Variants in SCHIP1 observed in about 807,000 individuals in gnomAD.
SCHIP1 encodes schwannomin interacting protein 1.
Under a neutral mutation model 29.7 loss-of-function variants are expected in SCHIP1, and 8 were observed. The observed-to-expected ratio is 0.27, with a 90% CI of 0.16 to 0.49. SCHIP1 has a LOEUF of 0.49. Among genes scored for constraint, SCHIP1 ranks in the 20% least tolerant of loss-of-function variants. The pLI is 0.99. For synonymous variants in SCHIP1, 76 were observed against 94.9 expected, an observed-to-expected ratio of 0.80 and a Z score of 1.16; for missense variants, 193 against 294.6, an observed-to-expected ratio of 0.66 and a Z score of 2.52.
the SCHIP1 span, among the ~76,000 whole-genome samples, chr3:159,394,799 G>A: frequency 2.5e-4 from 38 of 152,140 alleles, no homozygotes; most frequent in East Asian, 2.3e-3. Flanking sequence ...GTCTCTGCCC[G>A]GCTTTGGTAT....
the SCHIP1 span, among the ~76,000 whole-genome samples, chr3:159,394,891 T>A: frequency 8.5e-5 from 13 of 152,302 alleles, no homozygotes; most frequent in East Asian, 2.5e-3. Flanking sequence ...GAAGGAATGG[T>A]ACCAGTTCCT....
At chr3:159,839,946 A>C in exon 1 of SCHIP1, 1 of 1,416,544 alleles carries the variant, frequency 7.1e-7, no homozygotes, top group Admixed American at 3.1e-5. Flanking sequence ...CCATGTTCCT[A>C]AGCCTGCCTC....
chr3:159,284,103 T>G, the SCHIP1 span, among the ~76,000 whole-genome samples: 1 of 152,106 alleles, frequency 6.6e-6, no homozygotes. Context: ...GTCTCTAATT[T>G]CATATAGCAT....
the SCHIP1 span, among the ~76,000 whole-genome samples, chr3:159,567,523 ACCAC>A: frequency 6.6e-6 from 1 of 152,032 alleles, no homozygotes; most frequent in Admixed American, 6.6e-5. Flanking sequence ...TATTGGGTTA[ACCAC>A]CTGTCTCAGT....
the SCHIP1 span, among the ~76,000 whole-genome samples, chr3:159,447,736 C>T: frequency 2.6e-5 from 4 of 152,192 alleles, no homozygotes; most frequent in African/African-American, 9.6e-5. Flanking sequence ...TCACTTTGAA[C>T]ATATTTTCAA....
the SCHIP1 span, among the ~76,000 whole-genome samples, chr3:159,474,342 G>C: frequency 6.6e-6 from 1 of 152,156 alleles, no homozygotes; most frequent in African/African-American, 2.4e-5. Context: ...AGGGATGATG[G>C]ACTGTGTCTG....
At chr3:159,534,379 G>T in the SCHIP1 span, among the ~76,000 whole-genome samples, 1 of 152,082 alleles carries the variant, frequency 6.6e-6, no homozygotes, top group Non-Finnish European at 1.5e-5. Flanking sequence ...GATTGCTATC[G>T]CAGATAAAAC....
the SCHIP1 span, among the ~76,000 whole-genome samples, chr3:159,713,756 G>A: frequency 6.6e-6 from 1 of 152,222 alleles, no homozygotes; most frequent in Non-Finnish European, 1.5e-5. Context: ...TTTGGCTGGT[G>A]AGTTTAGTGA....
the SCHIP1 span, among the ~76,000 whole-genome samples, chr3:159,712,938 C>A: frequency 6.6e-6 from 1 of 151,206 alleles, no homozygotes; most frequent in Non-Finnish European, 1.5e-5. Flanking sequence ...GTGGGCAGAT[C>A]ACCTGAGGTC....
At chr3:159,510,995 T>A in the SCHIP1 span, among the ~76,000 whole-genome samples, 1 of 152,240 alleles carries the variant, frequency 6.6e-6, no homozygotes, top group Admixed American at 6.5e-5. Context: ...TCTTCAAAGC[T>A]GTCAAACAGG....
In SCHIP1 at chr3:159,862,579, G is replaced by A. The variant is rs187090916; in HGVS notation, c.31-3584G>A. Among the ~76,000 whole-genome samples, 6 of 152,324 alleles carry A rather than the reference G, an allele frequency of 3.9e-5. No homozygotes were observed. In the East Asian group the frequency reaches 1.2e-3, roughly 29 times the overall value. On this transcript the variant is annotated intron_variant, in intron 1 of 6. Coordinates refer to ENST00000445224, the Ensembl canonical transcript of SCHIP1. The stretch of plus-strand genomic sequence containing the variant: ...CACAAAAGCCACTGACAGCATGACA[G>A]ATGAAGCAAGCTATTGACTTAACTA...
chr3:159,485,913 C>G, the SCHIP1 span, among the ~76,000 whole-genome samples: 1 of 152,158 alleles, frequency 6.6e-6, no homozygotes, highest in Admixed American at 6.5e-5. Flanking sequence ...AGCCTTCTTC[C>G]AAACCCCACT....
chr3:159,849,952 A>G (rs1487039379), intron 1 of SCHIP1, among the ~76,000 whole-genome samples: 1 of 152,220 alleles, frequency 6.6e-6, no homozygotes, highest in African/African-American at 2.4e-5. Flanking sequence ...AGTGTTCTAC[A>G]TGCTATGGGG....
At chr3:159,284,681 G>GA in the SCHIP1 span, among the ~76,000 whole-genome samples, 2 of 151,970 alleles carry the variant, frequency 1.3e-5, no homozygotes, top group African/African-American at 2.4e-5. Flanking sequence ...TTCTTTAGTA[G>GA]AGATTGGGTT....
At chr3:159,603,759 T>A in the SCHIP1 span, among the ~76,000 whole-genome samples, 2 of 152,142 alleles carry the variant, frequency 1.3e-5, no homozygotes, top group Non-Finnish European at 1.5e-5. Context: ...GATTGGGTAA[T>A]TTATAAAGAA....
At chr3:159,280,159 G>T in the SCHIP1 span, among the ~76,000 whole-genome samples, 1 of 152,174 alleles carries the variant, frequency 6.6e-6, no homozygotes, top group African/African-American at 2.4e-5. Context: ...TGTCCCTGAT[G>T]TTGTAAAATG....
At chr3:159,592,440 G>C in the SCHIP1 span, among the ~76,000 whole-genome samples, 1 of 151,984 alleles carries the variant, frequency 6.6e-6, no homozygotes, top group South Asian at 2.1e-4. Flanking sequence ...TTTCACAGCT[G>C]GATTTTTTTC....
At chr3:159,806,794 A>G in the SCHIP1 span, among the ~76,000 whole-genome samples, 1 of 152,220 alleles carries the variant, frequency 6.6e-6, no homozygotes, top group African/African-American at 2.4e-5. Flanking sequence ...GGAGGCATGC[A>G]CCATCTTTCT....
At chr3:159,494,523 C>A in the SCHIP1 span, among the ~76,000 whole-genome samples, 3 of 152,122 alleles carry the variant, frequency 2.0e-5, no homozygotes, top group South Asian at 6.2e-4. Context: ...ATAAATTCCT[C>A]GACACATACA....
Sources: gnomAD v4.1 joint callset for allele counts (sites outside exome capture counted in the v4.1 genomes callset) on GRCh38, gnomAD v4.1.1 for gene constraint, MANE v1.5 for transcripts, NCBI Gene and HGNC (gene_info 2026-07-23, HGNC 2026-07-21) for gene names.